The following INPPL1 variants were observed in gnomAD, a reference collection of about 807,000 sequenced individuals.
The protein encoded by INPPL1 is phosphatidylinositol 3,4,5-trisphosphate 5-phosphatase 2.
A neutral mutation model predicts 139.3 loss-of-function variants in INPPL1; 91 were observed. That is an observed-to-expected ratio of 0.65 (90% CI 0.55 to 0.78). INPPL1 has a LOEUF of 0.78. Ranked by LOEUF, INPPL1 falls within the 30% of genes least tolerant of loss-of-function variation. The probability of loss-of-function intolerance (pLI) is 0.00; values close to 1 mark genes in which losing one functional copy is unlikely to be tolerated. For synonymous variants in INPPL1, 719 were observed against 686.6 expected (o/e 1.05, Z -0.74); for missense variants, 1,411 against 1,665.6 (o/e 0.85, Z 2.66).
chr11:72,237,239 C>A lies in INPPL1; in HGVS notation c.2995C>A (p.Pro999Thr). 6.2e-7 allele frequency: 1 copy of A among 1,614,038 alleles called. No individual in the cohort carries two copies. Among genetic ancestry groups the A allele is most frequent in the Non-Finnish European group, 8.5e-7 (1 of 1,180,040 alleles). The change falls in exon 26 of 28, where the codon CCG becomes ACG. Residue 999 changes from proline to threonine, a missense_variant. By Grantham distance (38) the Pro-to-Thr change is conservative. This residue lies in a region of INPPL1 where 438 missense variants were observed against 425.7 expected (regional missense o/e 1.03). Transcript: ENST00000298229. Reference protein sequence around the residue: ...LEGVPHQLLPPEPPSPARAPV... With the variant: ...LEGVPHQLLPTEPPSPARAPV... ...AGGGGTCCCGCACCAGCTGCTGCCC[C>A]CGGAGCCACCCTCGCCTGCCAGGGC... is the stretch of plus-strand genomic sequence containing the variant.
chr11:72,238,340 A>AG lies in INPPL1; in HGVS notation c.3765dup (p.Leu1256AlafsTer129), dbSNP rs757134881. ...AAGCGCCTCCTTCTGGACACCCTGC[A>AG]GCTCAGCAAGTGATAGCGGAGGCAC... is the stretch of plus-strand genomic sequence containing the variant. On this transcript the variant is annotated frameshift_variant, in exon 28 of 28. Coordinates refer to ENST00000298229, the MANE Select transcript of INPPL1 (RefSeq NM_001567.4). LOFTEE classifies it high-confidence loss of function. 6.4e-7 allele frequency: 1 copy of AG among 1,559,942 alleles called. No individual in the cohort carries two copies.
chr11:72,238,444 A>G lies in INPPL1; in HGVS notation c.*91A>G. On this transcript the variant is annotated 3_prime_UTR_variant, in exon 28 of 28. Transcript: ENST00000298229. ...CCAGGGTTGAAAAGTTATGAGGGTC[A>G]GGGCAGTATCTCTCTGCCTATTTAT... is the stretch of plus-strand genomic sequence containing the variant. 9.4e-7 allele frequency: 1 copy of G among 1,069,452 alleles called. No homozygotes were observed. Among genetic ancestry groups the G allele is most frequent in the South Asian group, 1.8e-5 (1 of 56,110 alleles). The allele number at this position is 1,069,452 out of a possible 1,614,324, so 66.2% of individuals were successfully genotyped here. A position where few individuals can be genotyped will look rare whatever the true frequency, so the allele number is the denominator to read the frequency against.
At chr11:72,232,073 C>A (rs1181811489) in intron 13 of INPPL1, among the ~76,000 whole-genome samples, 167 bp from the exon 14 acceptor site, 1 of 152,198 alleles carries the variant, frequency 6.6e-6, no homozygotes, top group East Asian at 1.9e-4. Context: ...AATGAGGACC[C>A]CCCCCTCCCC....
chr11:72,230,756 T>C (rs748053076), intron 10 of INPPL1, 40 bp from the exon 11 acceptor site: 7 of 1,574,328 alleles, frequency 4.4e-6, no homozygotes, highest in Admixed American at 3.4e-5. Context: ...GGGGGCTTCC[T>C]GGATGCCTAC....
chr11:72,230,041 C>A (rs997468345), intron 8 of INPPL1, 22 bp downstream of exon 8: 2 of 1,614,106 alleles, frequency 1.2e-6, no homozygotes, highest in Non-Finnish European at 1.7e-6. Flanking sequence ...TGGGGCCTCA[C>A]AGGGCCAAGG....
intron 13 of INPPL1, among the ~76,000 whole-genome samples, chr11:72,231,915 T>C (rs1034792765): frequency 6.6e-6 from 1 of 152,150 alleles, no homozygotes; most frequent in African/African-American, 2.4e-5. Flanking sequence ...CCAGGTCTCC[T>C]GATTTTCGGT....
At position 72,235,139 on chromosome 11, in the gene INPPL1, C is replaced by G; in HGVS notation, c.2439C>G (p.Ile813Met). 6.2e-7 allele frequency: 1 copy of G among 1,613,926 alleles called. No individual in the cohort carries two copies. Among genetic ancestry groups the G allele is most frequent in the Non-Finnish European group, 8.5e-7 (1 of 1,179,976 alleles). ...AGCTCAAACCAATTCTGGCTGATAT[C>G]GAGTACCTGCAGGACCAGCACCTCC... Reference protein sequence around the residue: ...LPTLKPILADIEYLQDQHLLL... With the variant: ...LPTLKPILADMEYLQDQHLLL... The change falls in exon 22 of 28, where the codon ATC becomes ATG. Residue 813 changes from isoleucine (I) to methionine (M), a missense_variant. Around this residue, in one of 5 missense-constraint regions of INPPL1, gnomAD observed 363 missense variants for 446.2 expected, o/e 0.81. Transcript: ENST00000298229. This position sits in a 1 kb window ranked among gnomAD's most constrained non-coding sequence, Gnocchi z 4.9.
Position 72,232,293 on chromosome 11 carries a change from T to C in INPPL1, c.1669T>C (p.Phe557Leu). 2 of 1,556,036 alleles carry C rather than the reference T, an allele frequency of 1.3e-6. No individual in the cohort carries two copies. Among genetic ancestry groups the C allele is most frequent in the Non-Finnish European group, 1.7e-6 (2 of 1,149,078 alleles). ...CATGTTTAATGGCACCTCATTTGGC[T>C]TTGTGAATTGTCACCTCACCTCGGG... is the stretch of plus-strand genomic sequence containing the variant. ...SFMFNGTSFG[F>L]VNCHLTSGNE... Residue 557 changes from phenylalanine (F) to leucine (L), a missense_variant, in exon 14 of 28, where the codon TTT (phenylalanine) becomes CTT (leucine). Phe to Leu is a conservative substitution (Grantham distance 22). Transcript: ENST00000298229.
At chr11:72,231,704 T>G in intron 13 of INPPL1, 89 bp downstream of exon 13, 3 of 943,822 alleles carry the variant, frequency 3.2e-6, no homozygotes, top group Admixed American at 1.8e-5. Context: ...GCCCCATTTT[T>G]GGTGATCTTA....
chr11:72,233,007 G>A (rs917111718), intron 16 of INPPL1, 33 bp downstream of exon 16: 10 of 1,610,096 alleles, frequency 6.2e-6, no homozygotes, highest in Admixed American at 3.3e-5. Context: ...GTGATCTGAG[G>A]GCTAGGAGAC....
chr11:72,228,023 G>A lies in INPPL1; in HGVS notation c.183-167G>A. ...GCCCAATAGGCAACACCAGGAGGGT[G>A]GAAGTGGACCGGCCACATCATTAAC... On this transcript the variant is annotated intron_variant, in intron 1 of 27. Transcript: ENST00000298229. The surrounding 1 kb of genome is among the most constrained non-coding windows in gnomAD (Gnocchi z 5.0). 1 of 671,518 alleles carries A rather than the reference G, an allele frequency of 1.5e-6. No individual in the cohort carries two copies. The highest frequency in any genetic ancestry group is 2.7e-5 in the East Asian group (1 of 36,906). The allele number at this position is 671,518 out of a possible 1,614,324, so 41.6% of individuals were successfully genotyped here.
chr11:72,228,821 G>T lies in INPPL1; in HGVS notation c.492G>T (p.Glu164Asp). 1 of 1,612,240 alleles carries T rather than the reference G, an allele frequency of 6.2e-7. No homozygotes were observed. Among genetic ancestry groups the T allele is most frequent in the Non-Finnish European group, 8.5e-7 (1 of 1,179,058 alleles). Residue 164 changes from glutamate to aspartate, a missense_variant, in exon 4 of 28, where the codon GAG (glutamate) becomes GAT (aspartate). By Grantham distance (45) the Glu-to-Asp change is conservative. Transcript: ENST00000298229. The surrounding 1 kb of genome is among the most constrained non-coding windows in gnomAD (Gnocchi z 5.0). ...CCAGCAGTCCCCTGCCAGCTCCTGA[G>T]ACTCCCACAGCTCCAGCTGCTGAGA... ...TGPSSPLPAP[E>D]TPTAPAAESA...
chr11:72,229,360 C>A, intron 5 of INPPL1, 105 bp from the exon 6 acceptor site: 1 of 1,406,204 alleles, frequency 7.1e-7, no homozygotes, highest in South Asian at 1.2e-5. Flanking sequence ...TGACTTTCCT[C>A]ACTGGTAGCC....
chr11:72,237,400 C>G lies in INPPL1; in HGVS notation c.3156C>G (p.Asp1052Glu). 6.2e-7 allele frequency: 1 copy of G among 1,613,412 alleles called. No homozygotes were observed. The change falls in exon 26 of 28, where the codon GAC (aspartate) becomes GAG (glutamate). Residue 1052 changes from aspartate to glutamate, a missense_variant. By Grantham distance (45) the Asp-to-Glu change is conservative. Around this residue, in one of 5 missense-constraint regions of INPPL1, gnomAD observed 438 missense variants for 425.7 expected, o/e 1.03. Transcript: ENST00000298229. ...CTGGAGGCACACTGCCCCCTCCAGA[C>G]TTTCCACCTCCACCACTGCCGGACT... ...EESGGTLPPP[D>E]FPPPPLPDSA...
In INPPL1 at chr11:72,237,531, G is replaced by A; in HGVS notation, c.3287G>A (p.Arg1096Lys). The A allele has an allele frequency of 6.2e-7, 1 of 1,605,984 alleles. No homozygotes were observed. Among genetic ancestry groups the A allele is most frequent in the Non-Finnish European group, 8.5e-7 (1 of 1,174,850 alleles). ...RGPPPPKAHP[R>K]PPLPPGPSPA... ...CCACCACCTCCCAAGGCCCATCCAA[G>A]GCCTCCACTGCCCCCAGGCCCCTCA... The change falls in exon 26 of 28, where the codon AGG becomes AAG. Residue 1096 changes from arginine (R) to lysine (K), a missense_variant. By Grantham distance (26) the Arg-to-Lys change is conservative (BLOSUM62 2). Around this residue, in one of 5 missense-constraint regions of INPPL1, gnomAD observed 438 missense variants for 425.7 expected, o/e 1.03. Coordinates refer to ENST00000298229, the MANE Select transcript of INPPL1 (RefSeq NM_001567.4).
In INPPL1 at chr11:72,228,907, C is replaced by T; in HGVS notation, c.518+60C>T. ...CCTTTCTCCTCTGAGAACTATTTCC[C>T]TACCAAAGGTGGGGAGGCCTTCTAA... On this transcript the variant is annotated intron_variant, in intron 4 of 27. Coordinates refer to ENST00000298229, the MANE Select transcript of INPPL1 (RefSeq NM_001567.4). The surrounding 1 kb of genome is among the most constrained non-coding windows in gnomAD (Gnocchi z 5.0). 1.3e-6 allele frequency: 2 copies of T among 1,528,764 alleles called. No individual in the cohort carries two copies. Among genetic ancestry groups the T allele is most frequent in the Non-Finnish European group, 8.8e-7 (1 of 1,138,344 alleles). 94.7% of individuals were successfully genotyped at this position (1,528,764 alleles called of 1,614,324 possible). A position where few individuals can be genotyped will look rare whatever the true frequency, so the allele number is the denominator to read the frequency against.
Position 72,230,777 on chromosome 11 carries a change from G to C in INPPL1, c.1198-19G>C. 1.2e-6 allele frequency: 2 copies of C among 1,609,940 alleles called. No individual in the cohort carries two copies. The highest frequency in any genetic ancestry group is 1.7e-6 in the Non-Finnish European group (2 of 1,176,862). On this transcript the variant is annotated intron_variant, in intron 10 of 27. Transcript: ENST00000298229. ...TTCCTGGATGCCTACCCGCCCCTGA[G>C]TGGCTGCTGTTCCCCCAGAAGCGGG... is the stretch of plus-strand genomic sequence containing the variant.
At chr11:72,226,941 G>A (rs1948692159) in intron 1 of INPPL1, among the ~76,000 whole-genome samples, 1 of 152,082 alleles carries the variant, frequency 6.6e-6, no homozygotes, top group Non-Finnish European at 1.5e-5. Flanking sequence ...ATGGGGTGAG[G>A]GGTCTGTCTG....
Position 72,238,260 on chromosome 11 carries a change from CAGTGACATCACCGAGG to C in INPPL1, c.3687_3702del (p.Ser1229ArgfsTer34). On this transcript the variant is annotated splice_acceptor_variant and coding_sequence_variant, in exon 28 of 28. Transcript: ENST00000298229. LOFTEE classifies it high-confidence loss of function. ...TCACTTCCCAGCCTGTTTTACTCCACAGTGACATCACCGAGGAGGACTTGGAGGAGGCTGGGGTGCA... is the reference window on the plus strand; with the variant it reads ...TCACTTCCCAGCCTGTTTTACTCCACAGGACTTGGAGGAGGCTGGGGTGCA... 6.2e-7 allele frequency: 1 copy of C among 1,613,490 alleles called. No homozygotes were observed. The highest frequency in any genetic ancestry group is 8.5e-7 in the Non-Finnish European group (1 of 1,179,660).
Sources: gnomAD v4.1 joint callset for allele counts (sites outside exome capture counted in the v4.1 genomes callset) on GRCh38, gnomAD v4.1.1 for gene constraint, gnomAD v4.1.1 regional missense constraint, Gnocchi (gnomAD v3.1) non-coding constraint, MANE v1.5 for transcripts, NCBI Gene and HGNC (gene_info 2026-07-23, HGNC 2026-07-21) for gene names.